The following XPO4 variants were observed in gnomAD, a reference collection of about 807,000 sequenced individuals.
XPO4 encodes the protein exportin 4.
In XPO4, 39 loss-of-function variants were observed where a neutral mutation model predicts 143.0. That is an observed-to-expected ratio of 0.27 (90% confidence interval 0.21 to 0.36). The LOEUF is 0.36. Ranked by LOEUF, XPO4 falls within the 10% of genes least tolerant of loss-of-function variation. The pLI is 1.00. For missense variants in XPO4, 907 were observed against 1,348.0 expected (o/e 0.67, Z 5.12); for synonymous variants, 439 against 474.0 (o/e 0.93, Z 0.96).
At chr13:20,786,307 G>GTGTATA (rs1555329685) in intron 22 of XPO4, among the ~76,000 whole-genome samples, 13 of 147,056 alleles carry the variant, frequency 8.8e-5, no homozygotes, top group African/African-American at 2.8e-4. Context: ...ACGTGTGTGT[G>GTGTATA]TATATATATA....
chr13:20,787,686 G>A (rs962036112), intron 20 of XPO4, 88 bp from the exon 21 acceptor site: 1 of 1,058,600 alleles, frequency 9.4e-7, no homozygotes, highest in African/African-American at 1.6e-5. Context: ...AAATGGATGA[G>A]TGTTTCTAGA....
intron 17 of XPO4, 52 bp downstream of exon 17, chr13:20,796,712 T>G (rs187874434): frequency 1.5e-6 from 2 of 1,339,300 alleles, no homozygotes; most frequent in East Asian, 5.1e-5. Context: ...ATTATTTTAT[T>G]ACAGCTTCAA....
At position 20,852,164 on chromosome 13, in the gene XPO4, A is replaced by G. The variant is rs975227698; in HGVS notation, c.456+3463T>C. 4 of 985,466 alleles carry G rather than the reference A, an allele frequency of 4.1e-6. No individual in the cohort carries two copies. The South Asian group carries it at 1.9e-4, about 46-fold the overall frequency. 61.0% of individuals were successfully genotyped at this position (985,466 alleles called of 1,614,324 possible). A position where few individuals can be genotyped will look rare whatever the true frequency, so the allele number is the denominator to read the frequency against. ...GAATGATCACCAAACTAACAAGGGA[A>G]AGGCATTAGTCATAAATAGATAGAT... On this transcript the variant is annotated intron_variant, in intron 4 of 22. Transcript: ENST00000255305.
intron 1 of XPO4, among the ~76,000 whole-genome samples, chr13:20,890,342 T>G (rs2060499978): frequency 6.7e-6 from 1 of 149,670 alleles, no homozygotes; most frequent in Non-Finnish European, 1.5e-5. Context: ...CCCAGCTACC[T>G]GGGAGGCTGA....
At chr13:20,837,902 A>G (rs942293268) in intron 6 of XPO4, among the ~76,000 whole-genome samples, 29 of 152,214 alleles carry the variant, frequency 1.9e-4, no homozygotes, top group Admixed American at 7.2e-4. Context: ...CCCACAACAC[A>G]TGGGAATTAT....
At chr13:20,823,599 T>TG (rs1343166201) in intron 7 of XPO4, among the ~76,000 whole-genome samples, 7 of 151,950 alleles carry the variant, frequency 4.6e-5, no homozygotes, top group African/African-American at 1.7e-4. Flanking sequence ...TTTGTATGGT[T>TG]GGGGGGAAAC....
intron 9 of XPO4, among the ~76,000 whole-genome samples, chr13:20,818,686 G>A (rs775294197): frequency 5.3e-5 from 8 of 152,112 alleles, no homozygotes; most frequent in Non-Finnish European, 1.0e-4. Flanking sequence ...AAACTCAACA[G>A]TTGTTCTTAT....
intron 4 of XPO4, among the ~76,000 whole-genome samples, chr13:20,845,932 C>T (rs899374413): frequency 2.0e-5 from 3 of 152,130 alleles, no homozygotes; most frequent in African/African-American, 7.2e-5. Context: ...TTCTAAGACT[C>T]TAGTCAATAA....
intron 1 of XPO4, among the ~76,000 whole-genome samples, chr13:20,875,275 T>C (rs1441632481): frequency 6.6e-6 from 1 of 152,168 alleles, no homozygotes; most frequent in Non-Finnish European, 1.5e-5. Flanking sequence ...AAATGAAACA[T>C]TTTGTTAAAT....
chr13:20,834,506 G>C (rs1027346694), intron 6 of XPO4, among the ~76,000 whole-genome samples: 1 of 151,698 alleles, frequency 6.6e-6, no homozygotes. Context: ...CCAAGAAGTC[G>C]AGGCTGCCAA....
Position 20,866,341 on chromosome 13 carries a change from C to G in XPO4, c.175+2255G>C, listed in dbSNP as rs567064587. 4 of 985,074 alleles carry G rather than the reference C, an allele frequency of 4.1e-6. No individual in the cohort carries two copies. The African/African-American group carries it at 7.0e-5, about 17-fold the overall frequency. The allele number at this position is 985,074 out of a possible 1,614,324, so 61.0% of individuals were successfully genotyped here. A position where few individuals can be genotyped will look rare whatever the true frequency, so the allele number is the denominator to read the frequency against. The stretch of plus-strand genomic sequence containing the variant: ...GAGGAAAAATGAGCAACATATAAAA[C>G]TCAAGTTAGAAGTGAGAAGGAAGAA... On this transcript the variant is annotated intron_variant, in intron 2 of 22. Transcript: ENST00000255305.
At chr13:20,896,954 G>A (rs1194491101) in intron 1 of XPO4, among the ~76,000 whole-genome samples, 3 of 152,152 alleles carry the variant, frequency 2.0e-5, no homozygotes, top group Non-Finnish European at 4.4e-5. Flanking sequence ...ATGCCTTTTT[G>A]CATTTCTTCT....
intron 4 of XPO4, chr13:20,849,141 A>ATT: frequency 1.0e-6 from 1 of 985,454 alleles, no homozygotes. Context: ...CAGAGAGAGG[A>ATT]TTGTCTCTTA....
intron 1 of XPO4, among the ~76,000 whole-genome samples, chr13:20,870,524 G>A (rs2060285719): frequency 6.6e-6 from 1 of 152,020 alleles, no homozygotes; most frequent in Admixed American, 6.6e-5. Flanking sequence ...ATCAAGGCGG[G>A]TAGATCACCT....
intron 7 of XPO4, among the ~76,000 whole-genome samples, 174 bp from the exon 8 acceptor site, chr13:20,822,463 G>T (rs1453528823): frequency 6.6e-6 from 1 of 152,066 alleles, no homozygotes; most frequent in East Asian, 1.9e-4. Context: ...TACATTACAG[G>T]TCATTATTTT....
chr13:20,856,878 C>T (rs540223558), intron 3 of XPO4: 1 of 985,312 alleles, frequency 1.0e-6, no homozygotes, highest in Non-Finnish European at 1.2e-6. Context: ...TTACTAAGGG[C>T]TCCCACGGCA....
chr13:20,819,080 C>G (rs2059686547), intron 9 of XPO4, among the ~76,000 whole-genome samples: 2 of 152,212 alleles, frequency 1.3e-5, no homozygotes, highest in South Asian at 4.1e-4. Flanking sequence ...GCCTCAGTCT[C>G]CCAAAGTACT....
chr13:20,886,570 G>GCTA (rs1226036765), intron 1 of XPO4, among the ~76,000 whole-genome samples: 2 of 151,896 alleles, frequency 1.3e-5, no homozygotes, highest in African/African-American at 4.8e-5. Context: ...CAGAGGTCAC[G>GCTA]CTACTGCACA....
chr13:20,866,550 A>G (rs749989398), intron 2 of XPO4, among the ~76,000 whole-genome samples: 7 of 152,222 alleles, frequency 4.6e-5, no homozygotes, highest in Non-Finnish European at 8.8e-5. Context: ...TGCTGGTGGC[A>G]ACTGAATAAG....
Sources: allele counts gnomAD v4.1 joint callset (sites outside exome capture counted in the v4.1 genomes callset), GRCh38; gene constraint gnomAD v4.1.1; transcripts MANE v1.5; gene names NCBI Gene and HGNC (gene_info 2026-07-23, HGNC 2026-07-21).